Variants in DEFB135 observed in about 807,000 individuals in gnomAD.
DEFB135 encodes the protein defensin beta 135.
Under a neutral mutation model 8.9 loss-of-function variants are expected in DEFB135, and 14 were observed. That is an observed-to-expected ratio of 1.58 (90% CI 1.04 to 2.47). The LOEUF (loss-of-function observed/expected upper bound fraction) is 2.47. DEFB135 is among the 30% of genes most tolerant of loss of function. The pLI is 0.00. For synonymous variants in DEFB135, 51 were observed against 34.5 expected, an observed-to-expected ratio of 1.48 and a Z score of -1.67; for missense variants, 135 against 94.2, an observed-to-expected ratio of 1.43 and a Z score of -1.79.
rs116644862 is a variant in DEFB135 at position 11,983,164 on chromosome 8, C to T, written c.64+780C>T. Among the ~76,000 whole-genome samples, 463 of 152,162 alleles carry T rather than the reference C, an allele frequency of 3.0e-3. 1 individual carries two copies. The highest frequency in any genetic ancestry group is 0.01 in the African/African-American group (432 of 41,520). Reference sequence around the variant, plus strand: ...ATCTAAGCACTTTGGGAGGCTGAGTCGAGTGGATCACCTGAGGTCAGGAGT... The same window carrying T: ...ATCTAAGCACTTTGGGAGGCTGAGTTGAGTGGATCACCTGAGGTCAGGAGT... On this transcript the variant is annotated intron_variant, in intron 1 of 1. Coordinates refer to ENST00000382208, the MANE Select transcript of DEFB135 (RefSeq NM_001033017.3).
intron 1 of DEFB135, among the ~76,000 whole-genome samples, chr8:11,982,642 G>T (rs1036207958): frequency 2.6e-5 from 4 of 152,188 alleles, no homozygotes; most frequent in Non-Finnish European, 5.9e-5. Flanking sequence ...TGAGGGGAAG[G>T]CTGGACTGTT....
chr8:11,984,488 C>A lies in DEFB135; in HGVS notation c.132C>A (p.Cys44Ter). ...FASCWRLQGT[C>*]RPKCLKNEQY... ...CATGTTGGCGACTGCAAGGTACTTGCCGGCCAAAATGTCTAAAAAACGAAC... is the reference window on the plus strand; with the variant it reads ...CATGTTGGCGACTGCAAGGTACTTGACGGCCAAAATGTCTAAAAAACGAAC... Residue 44 changes from cysteine to a stop codon, truncating the protein, a stop_gained, in exon 2 of 2, where the codon TGC becomes TGA. Coordinates refer to ENST00000382208, the MANE Select transcript of DEFB135 (RefSeq NM_001033017.3). LOFTEE classifies it high-confidence loss of function. 4 of 1,583,292 alleles carry A rather than the reference C, an allele frequency of 2.5e-6. No homozygotes were observed. The highest frequency in any genetic ancestry group is 3.5e-6 in the Non-Finnish European group (4 of 1,157,104).
rs780230171 is a variant in DEFB135 at position 11,984,467 on chromosome 8, T to C, written c.111T>C (p.Cys37=). The stretch of plus-strand genomic sequence containing the variant: ...ACATACAAAAAATCTTTGCTTCATG[T>C]TGGCGACTGCAAGGTACTTGCCGGC... ...NVYIQKIFAS[C]WRLQGTCRPK... Residue 37 remains cysteine (C), a synonymous_variant, in exon 2 of 2, where the codon TGT becomes TGC. Transcript: ENST00000382208. 80 of 1,573,716 alleles carry C rather than the reference T, an allele frequency of 5.1e-5. No homozygotes were observed. The highest frequency in any genetic ancestry group is 6.9e-5 in the Non-Finnish European group (79 of 1,151,310).
intron 1 of DEFB135, among the ~76,000 whole-genome samples, chr8:11,984,006 T>C (rs1799796442): frequency 6.6e-6 from 1 of 152,166 alleles, no homozygotes; most frequent in East Asian, 1.9e-4. Flanking sequence ...GTGATCCTTC[T>C]TTCTTTATGC....
rs547532720 is a variant in DEFB135 at position 11,984,444 on chromosome 8, A to C, written c.88A>C (p.Ile30Leu). The C allele has an allele frequency of 8.3e-6, 13 of 1,567,092 alleles. No individual in the cohort carries two copies. The highest frequency in any genetic ancestry group is 2.6e-6 in the Non-Finnish European group (3 of 1,146,238). Residue 30 changes from isoleucine (I) to leucine (L), a missense_variant, in exon 2 of 2, where the codon ATA becomes CTA. Ile to Leu is a conservative substitution (Grantham distance 5). Transcript: ENST00000382208. Reference protein sequence around the residue: ...PPGRSGPNVYIQKIFASCWRL... With the variant: ...PPGRSGPNVYLQKIFASCWRL... ...AGGTAGAAGTGGACCCAATGTCTAC[A>C]TACAAAAAATCTTTGCTTCATGTTG... is the stretch of plus-strand genomic sequence containing the variant.
At chr8:11,983,027 G>A (rs1419231809) in intron 1 of DEFB135, among the ~76,000 whole-genome samples, 1 of 152,160 alleles carries the variant, frequency 6.6e-6, no homozygotes, top group East Asian at 1.9e-4. Context: ...GGTCAGCAGA[G>A]AGCCCCTACC....
chr8:11,983,306 C>T (rs1263686742), intron 1 of DEFB135, among the ~76,000 whole-genome samples: 1 of 152,212 alleles, frequency 6.6e-6, no homozygotes, highest in Non-Finnish European at 1.5e-5. Context: ...AAGAGGATCA[C>T]TTGAACCCAG....
At chr8:11,983,629 C>T (rs1373300058) in intron 1 of DEFB135, among the ~76,000 whole-genome samples, 4 of 152,046 alleles carry the variant, frequency 2.6e-5, no homozygotes, top group African/African-American at 9.7e-5. Context: ...AGGTTCAATC[C>T]ATGGACTCAT....
At chr8:11,982,529 G>T (rs1799755625) in intron 1 of DEFB135, 145 bp downstream of exon 1, 1 of 815,422 alleles carries the variant, frequency 1.2e-6, no homozygotes, top group Non-Finnish European at 2.0e-6. Flanking sequence ...ATGCTGGGCT[G>T]GTCCAGAGAA....
chr8:11,983,412 T>A (rs58778007), intron 1 of DEFB135, among the ~76,000 whole-genome samples: 3 of 151,900 alleles, frequency 2.0e-5, no homozygotes, highest in African/African-American at 2.4e-5. Flanking sequence ...TTAAAAAAAA[T>A]AAATAAAACG....
chr8:11,984,484 CTTGCCG>C lies in DEFB135; in HGVS notation c.129_134del (p.Cys44_Arg45del), dbSNP rs749494107. On this transcript the variant is annotated inframe_deletion, in exon 2 of 2. Coordinates refer to ENST00000382208, the MANE Select transcript of DEFB135 (RefSeq NM_001033017.3). Reference sequence around the variant, plus strand: ...GCTTCATGTTGGCGACTGCAAGGTACTTGCCGGCCAAAATGTCTAAAAAACGAACAA... The same window carrying C: ...GCTTCATGTTGGCGACTGCAAGGTACGCCAAAATGTCTAAAAAACGAACAA... The C allele has an allele frequency of 7.6e-6, 12 of 1,584,640 alleles. No individual in the cohort carries two copies. The African/African-American group carries it at 1.3e-4, about 18-fold the overall frequency.
At chr8:11,983,438 G>C (rs1799781888) in intron 1 of DEFB135, among the ~76,000 whole-genome samples, 1 of 152,162 alleles carries the variant, frequency 6.6e-6, no homozygotes, top group Non-Finnish European at 1.5e-5. Context: ...AGATACGAAT[G>C]AGGACCATGT....
At chr8:11,983,617 A>C (rs1192091172) in intron 1 of DEFB135, among the ~76,000 whole-genome samples, 1 of 152,086 alleles carries the variant, frequency 6.6e-6, no homozygotes, top group Non-Finnish European at 1.5e-5. Flanking sequence ...TTCACACCAC[A>C]AAGGTTCAAT....
At chr8:11,984,315 AT>A in intron 1 of DEFB135, 105 bp from the exon 2 acceptor site, 1 of 908,934 alleles carries the variant, frequency 1.1e-6, no homozygotes, top group Non-Finnish European at 1.5e-6. Flanking sequence ...ATCGCGTCTA[AT>A]TCATTATTAA....
intron 1 of DEFB135, 93 bp downstream of exon 1, chr8:11,982,477 C>A: frequency 7.0e-7 from 1 of 1,426,146 alleles, no homozygotes; most frequent in Non-Finnish European, 9.8e-7. Context: ...AGGACTTGGA[C>A]AAAGGAAGCT....
At chr8:11,982,935 A>T (rs1001315518) in intron 1 of DEFB135, among the ~76,000 whole-genome samples, 5 of 152,224 alleles carry the variant, frequency 3.3e-5, no homozygotes, top group African/African-American at 9.6e-5. Flanking sequence ...GACAGAAGCC[A>T]GCAACTTGGT....
chr8:11,982,487 T>G, intron 1 of DEFB135, 103 bp downstream of exon 1: 1 of 1,324,876 alleles, frequency 7.5e-7, no homozygotes, highest in Non-Finnish European at 1.1e-6. Flanking sequence ...CAAAGGAAGC[T>G]GCAACAGGGA....
chr8:11,982,387 A>G lies in DEFB135; in HGVS notation c.64+3A>G. ...CTTACTCTTCTATGTTCCACCAGGT[A>G]AAATGGAGTCCCCACCTTGTAGAAT... On this transcript the variant is annotated splice_donor_region_variant and intron_variant, in intron 1 of 1. Transcript: ENST00000382208. 9 of 1,614,084 alleles carry G rather than the reference A, an allele frequency of 5.6e-6. No homozygotes were observed. Among genetic ancestry groups the G allele is most frequent in the Non-Finnish European group, 7.6e-6 (9 of 1,179,978 alleles).
intron 1 of DEFB135, among the ~76,000 whole-genome samples, chr8:11,982,705 G>A (rs892230079): frequency 6.6e-6 from 1 of 152,208 alleles, no homozygotes; most frequent in African/African-American, 2.4e-5. Context: ...AAAGAATAGC[G>A]AGGACTTGGG....
Sources: gnomAD v4.1 joint callset for allele counts (sites outside exome capture counted in the v4.1 genomes callset) on GRCh38, gnomAD v4.1.1 for gene constraint, MANE v1.5 for transcripts, NCBI Gene and HGNC (gene_info 2026-07-23, HGNC 2026-07-21) for gene names.